SGCD: variants seen among roughly 807,000 people sequenced by gnomAD.
SGCD encodes the protein delta-sarcoglycan.
In SGCD, 18 loss-of-function variants were observed where a neutral mutation model predicts 36.6. That is an observed-to-expected ratio of 0.49 (90% CI 0.34 to 0.73). SGCD has a LOEUF of 0.73. Among genes scored for constraint, SGCD ranks in the 30% least tolerant of loss-of-function variants. The pLI is 0.01. For missense variants in SGCD, 387 were observed against 346.7 expected (o/e 1.12, Z -0.92); for synonymous variants, 133 against 130.6 (o/e 1.02, Z -0.12).
At chr5:156,695,173 G>A (rs1193780211) in intron 7 of SGCD, among the ~76,000 whole-genome samples, 2 of 151,106 alleles carry the variant, frequency 1.3e-5, no homozygotes, top group African/African-American at 4.9e-5. Context: ...TTAATTTTAT[G>A]TGTTAACTTG....
intron 1 of SGCD, among the ~76,000 whole-genome samples, chr5:155,879,517 C>G (rs1755836202): frequency 6.6e-6 from 1 of 152,070 alleles, no homozygotes; most frequent in South Asian, 2.1e-4. Flanking sequence ...ATTGAGTAAC[C>G]ACACAATTTC....
At chr5:155,820,507 A>T in the SGCD span, among the ~76,000 whole-genome samples, 37 of 152,204 alleles carry the variant, frequency 2.4e-4, no homozygotes, top group South Asian at 6.2e-4. Context: ...TAAAAATAAA[A>T]AAATAAATAA....
At chr5:155,889,258 T>C (rs1756071848) in intron 1 of SGCD, among the ~76,000 whole-genome samples, 1 of 152,180 alleles carries the variant, frequency 6.6e-6, no homozygotes, top group East Asian at 1.9e-4. Context: ...TAACCTCATA[T>C]GATAGATTTA....
intron 7 of SGCD, among the ~76,000 whole-genome samples, chr5:156,675,040 G>A (rs562502661): frequency 5.3e-5 from 8 of 152,194 alleles, no homozygotes; most frequent in South Asian, 4.2e-4. Flanking sequence ...GTTGGTGGGC[G>A]ACTCAGAATC....
At chr5:155,987,055 T>C (rs1373584026) in intron 1 of SGCD, among the ~76,000 whole-genome samples, 4 of 152,176 alleles carry the variant, frequency 2.6e-5, no homozygotes, top group African/African-American at 9.7e-5. Context: ...TGGCCAATCC[T>C]TATTCCTTTG....
At chr5:156,108,165 C>A (rs760940359) in intron 1 of SGCD, among the ~76,000 whole-genome samples, 1 of 152,042 alleles carries the variant, frequency 6.6e-6, no homozygotes, top group African/African-American at 2.4e-5. Context: ...TGCCAGAAAA[C>A]CAGAGTAAAC....
chr5:156,313,251 A>C (rs1489448595), intron 3 of SGCD, among the ~76,000 whole-genome samples: 2 of 152,044 alleles, frequency 1.3e-5, no homozygotes, highest in Non-Finnish European at 2.9e-5. Context: ...TGTATCTTTC[A>C]TCTTAAAAGC....
rs139855287 is a variant in SGCD, at chr5:155,946,436, T to C, written c.-282+76012T>C. On this transcript the variant is annotated intron_variant, in intron 1 of 9. Transcript: ENST00000517913. ...TTTTCTGTTTGTACTATATTTTTCT[T>C]GATGAGAGTTTAATTAAATGTTTGC... Among the ~76,000 whole-genome samples the C allele has an allele frequency of 1.3e-3, 191 of 152,300 alleles. 1 individual carries two copies. The East Asian group carries it at 0.034, about 27-fold the overall frequency.
At chr5:156,701,372 C>T (rs1219677189) in intron 7 of SGCD, among the ~76,000 whole-genome samples, 1 of 152,058 alleles carries the variant, frequency 6.6e-6, no homozygotes, top group Non-Finnish European at 1.5e-5. Flanking sequence ...AAATAATATC[C>T]AGCATCTGAC....
intron 3 of SGCD, among the ~76,000 whole-genome samples, chr5:156,461,238 CTTA>C (rs71804646): frequency 0.016 from 2,485 of 152,188 alleles, 73 homozygotes; most frequent in African/African-American, 0.057. Context: ...GTATTGCATT[CTTA>C]TTATAAAAGC....
chr5:155,932,705 C>T (rs904005818), intron 1 of SGCD, among the ~76,000 whole-genome samples: 1 of 152,092 alleles, frequency 6.6e-6, no homozygotes, highest in Admixed American at 6.5e-5. Context: ...TGTTTTAATT[C>T]CCCTGATTTA....
At chr5:156,623,829 A>C (rs116712009) in intron 6 of SGCD, among the ~76,000 whole-genome samples, 1 of 152,140 alleles carries the variant, frequency 6.6e-6, no homozygotes, top group South Asian at 2.1e-4. Flanking sequence ...TTGACTTCCT[A>C]TCTGTCTAGC....
the SGCD span, among the ~76,000 whole-genome samples, chr5:155,751,713 TA>T: frequency 1.6e-4 from 23 of 142,330 alleles, no homozygotes; most frequent in Admixed American, 2.8e-4. Context: ...TTTTTTTTTA[TA>T]AAAAAAAAAG....
chr5:156,606,068 T>C (rs1761433868), intron 6 of SGCD, among the ~76,000 whole-genome samples: 1 of 152,220 alleles, frequency 6.6e-6, no homozygotes. Context: ...CATTTGTCAA[T>C]TTTGGCTTTT....
At chr5:156,632,214 C>A (rs1581293017) in intron 6 of SGCD, among the ~76,000 whole-genome samples, 1 of 152,108 alleles carries the variant, frequency 6.6e-6, no homozygotes, top group East Asian at 1.9e-4. Flanking sequence ...GGTCACATGC[C>A]CCTAGACCAA....
intron 4 of SGCD, among the ~76,000 whole-genome samples, chr5:156,588,886 G>GTATA (rs900616566): frequency 2.0e-5 from 3 of 152,014 alleles, no homozygotes; most frequent in Non-Finnish European, 4.4e-5. Context: ...TGATCATTCT[G>GTATA]TATACCAAGA....
chr5:156,321,711 AT>A (rs1767675651), intron 3 of SGCD, among the ~76,000 whole-genome samples: 1 of 152,028 alleles, frequency 6.6e-6, no homozygotes. Flanking sequence ...GAAAATATCT[AT>A]TTTCCCAGGG....
At chr5:156,643,262 C>A (rs1033002648) in intron 6 of SGCD, among the ~76,000 whole-genome samples, 1 of 151,912 alleles carries the variant, frequency 6.6e-6, no homozygotes, top group African/African-American at 2.4e-5. Flanking sequence ...GAACTCCTGA[C>A]CTCAGGTGAT....
chr5:156,314,895 A>G (rs1767475449), intron 3 of SGCD, among the ~76,000 whole-genome samples: 1 of 151,986 alleles, frequency 6.6e-6, no homozygotes, highest in African/African-American at 2.4e-5. Context: ...CAGTTACATT[A>G]CTTTTTCCCC....
Sources: gnomAD v4.1 joint callset for allele counts (sites outside exome capture counted in the v4.1 genomes callset) on GRCh38, gnomAD v4.1.1 for gene constraint, MANE v1.5 for transcripts, NCBI Gene and HGNC (gene_info 2026-07-23, HGNC 2026-07-21) for gene names.